Variants in TNKS1BP1 observed in about 807,000 individuals in gnomAD.
TNKS1BP1 encodes 182 kDa tankyrase-1-binding protein.
Under a neutral mutation model 141.1 loss-of-function variants are expected in TNKS1BP1, and 48 were observed. That is an observed-to-expected ratio of 0.34 (90% CI 0.27 to 0.43). The LOEUF (loss-of-function observed/expected upper bound fraction) is 0.43, where lower values mean the gene tolerates loss of function less well. Among genes scored for constraint, TNKS1BP1 ranks in the 20% least tolerant of loss-of-function variants. The probability of loss-of-function intolerance (pLI) is 1.00; values close to 1 mark genes in which losing one functional copy is unlikely to be tolerated. For missense variants in TNKS1BP1, 2,149 were observed against 2,226.0 expected (o/e 0.97, Z 0.70); for synonymous variants, 875 against 898.2 (o/e 0.97, Z 0.46).
rs766712492 is a variant in TNKS1BP1 at position 57,321,916 on chromosome 11, G to A, written c.-31C>T. 2.5e-6 allele frequency: 4 copies of A among 1,613,088 alleles called. No individual in the cohort carries two copies. The highest frequency in any genetic ancestry group is 2.2e-5 in the South Asian group (2 of 90,936). On this transcript the variant is annotated 5_prime_UTR_variant, in exon 2 of 12. Coordinates refer to ENST00000358252, the MANE Select transcript of TNKS1BP1 (RefSeq NM_033396.3). Reference sequence around the variant, plus strand: ...GCGGCAGACCCTCCTTGAGAGCGGGGAGGCAGAGAGGTATGAGCTGGGGTG... The same window carrying A: ...GCGGCAGACCCTCCTTGAGAGCGGGAAGGCAGAGAGGTATGAGCTGGGGTG...
In TNKS1BP1 at chr11:57,310,207, C is replaced by T. The variant is rs376099913; in HGVS notation, c.2504G>A (p.Arg835Gln). 4.3e-5 allele frequency: 69 copies of T among 1,614,076 alleles called. No homozygotes were observed. The highest frequency in any genetic ancestry group is 5.3e-5 in the African/African-American group (4 of 74,906). ...GTCCTGAACATCTGCCTCCTGGCTC[C>T]GCTGAGTGCCAAGCTGGGCTGGCTT... is the stretch of plus-strand genomic sequence containing the variant. ...VGKPAQLGTQ[R>Q]SQEADVQDWE... The change falls in exon 6 of 12, where the codon CGG (arginine) becomes CAG (glutamine). Residue 835 changes from arginine (R) to glutamine (Q), a missense_variant. Arg to Gln is a conservative substitution (Grantham distance 43). Coordinates refer to ENST00000358252, the MANE Select transcript of TNKS1BP1 (RefSeq NM_033396.3).
Position 57,321,946 on chromosome 11 carries a change from C to A in TNKS1BP1, c.-61G>T, listed in dbSNP as rs1855894246. 1.9e-6 allele frequency: 3 copies of A among 1,596,230 alleles called. No individual in the cohort carries two copies. The highest frequency in any genetic ancestry group is 2.6e-6 in the Non-Finnish European group (3 of 1,172,118). On this transcript the variant is annotated 5_prime_UTR_variant, in exon 2 of 12. Coordinates refer to ENST00000358252, the MANE Select transcript of TNKS1BP1 (RefSeq NM_033396.3). ...AGAGAGGTATGAGCTGGGGTGGCTG[C>A]AGACCTAGGAAAAGAGAGAGAAGAG...
intron 1 of TNKS1BP1, among the ~76,000 whole-genome samples, chr11:57,322,859 C>A (rs1855909310): frequency 6.6e-6 from 1 of 152,320 alleles, no homozygotes; most frequent in Non-Finnish European, 1.5e-5. Context: ...GTGGGCTTCA[C>A]TCACCAGCCT....
At chr11:57,321,489 G>A (rs1183877165) in intron 2 of TNKS1BP1, among the ~76,000 whole-genome samples, 3 of 152,130 alleles carry the variant, frequency 2.0e-5, no homozygotes, top group Non-Finnish European at 4.4e-5. Context: ...ACTCCCACTT[G>A]TACACTCCAT....
At chr11:57,323,975 G>A (rs1855923383) in intron 1 of TNKS1BP1, among the ~76,000 whole-genome samples, 1 of 152,146 alleles carries the variant, frequency 6.6e-6, no homozygotes, top group African/African-American at 2.4e-5. Flanking sequence ...CCCCAGCCAG[G>A]GGCCCCAGGT....
intron 4 of TNKS1BP1, 85 bp from the exon 5 acceptor site, chr11:57,313,974 G>T: frequency 7.4e-7 from 1 of 1,343,652 alleles, no homozygotes; most frequent in Non-Finnish European, 9.6e-7. Flanking sequence ...CAGACCCCAG[G>T]TCAGCTTCTC....
intron 2 of TNKS1BP1, among the ~76,000 whole-genome samples, 181 bp downstream of exon 2, chr11:57,321,611 G>C (rs1855887282): frequency 6.6e-6 from 1 of 152,220 alleles, no homozygotes; most frequent in Non-Finnish European, 1.5e-5. Flanking sequence ...ATCCCAAACA[G>C]TTCTGAAGAG....
rs775774343 is a variant in TNKS1BP1, at chr11:57,313,019, C to T, written c.1669G>A (p.Asp557Asn). The T allele has an allele frequency of 5.9e-5, 95 of 1,613,824 alleles. No homozygotes were observed. In the South Asian group the frequency reaches 7.1e-4, roughly 12 times the overall value. Reference protein sequence around the residue: ...DPSMSLTQKGDGESQPQFPAV... With the variant: ...DPSMSLTQKGNGESQPQFPAV... ...GGGAATTGAGGTTGACTCTCCCCATCGCCCTTCTGGGTGAGGGACATGCTT... is the reference window on the plus strand; with the variant it reads ...GGGAATTGAGGTTGACTCTCCCCATTGCCCTTCTGGGTGAGGGACATGCTT... The change falls in exon 5 of 12, where the codon GAT becomes AAT. Residue 557 changes from aspartate to asparagine, a missense_variant. By Grantham distance (23) the Asp-to-Asn change is conservative. Transcript: ENST00000358252.
At chr11:57,310,691 C>T in intron 5 of TNKS1BP1, 135 bp from the exon 6 acceptor site, 1 of 1,169,464 alleles carries the variant, frequency 8.6e-7, no homozygotes, top group Non-Finnish European at 1.2e-6. Flanking sequence ...TGACCTTGAG[C>T]AAATCACTTA....
rs945020568 is a variant in TNKS1BP1 at position 57,310,655 on chromosome 11, C to T, written c.2155-99G>A. ...GTCAGCGCTGCCTAGTGCCTGAAAG[C>T]CCCACTTTGGCAACAGAAAGCTGTG... On this transcript the variant is annotated intron_variant, in intron 5 of 11. Transcript: ENST00000358252. 3 of 1,466,660 alleles carry T rather than the reference C, an allele frequency of 2.0e-6. No homozygotes were observed. In the East Asian group the frequency reaches 6.9e-5, roughly 34 times the overall value. The allele number at this position is 1,466,660 out of a possible 1,614,324, so 90.9% of individuals were successfully genotyped here. A position where few individuals can be genotyped will look rare whatever the true frequency, so the allele number is the denominator to read the frequency against.
chr11:57,302,483 G>A lies in TNKS1BP1; in HGVS notation c.4659C>T (p.Pro1553=), dbSNP rs933096565. The change falls in exon 7 of 12, where the codon CCC becomes CCT. Residue 1553 remains proline, a synonymous_variant. Coordinates refer to ENST00000358252, the MANE Select transcript of TNKS1BP1 (RefSeq NM_033396.3). The surrounding 1 kb of genome is among the most constrained non-coding windows in gnomAD (Gnocchi z 5.5). ...CCTCAATGAAGGAGAAGTCCTGACT[G>A]GGGGATCTGGCAGGAGGGCCTTGGG... ...RPSQGPPARS[P]SQDFSFIEDT... is the part of the protein sequence containing the mutation. 1 of 1,604,524 alleles carries A rather than the reference G, an allele frequency of 6.2e-7. No homozygotes were observed. Among genetic ancestry groups the A allele is most frequent in the Non-Finnish European group, 8.5e-7 (1 of 1,173,786 alleles).
chr11:57,304,532 C>T (rs1855577706), intron 6 of TNKS1BP1, among the ~76,000 whole-genome samples: 1 of 152,158 alleles, frequency 6.6e-6, no homozygotes, highest in Admixed American at 6.5e-5. Flanking sequence ...GGCCCAAAGC[C>T]TCTCCCTGGG....
At chr11:57,314,327 G>A (rs980125848) in intron 4 of TNKS1BP1, among the ~76,000 whole-genome samples, 9 of 152,178 alleles carry the variant, frequency 5.9e-5, no homozygotes, top group Non-Finnish European at 1.2e-4. Context: ...GTCCAAGCAG[G>A]ATTCGAGGTG....
rs1478106224 is a variant in TNKS1BP1, at chr11:57,308,539, C to G, written c.4172G>C (p.Arg1391Thr). Residue 1391 changes from arginine to threonine, a missense_variant, in exon 6 of 12, where the codon AGA becomes ACA. Physicochemically the swap from Arg to Thr is moderately conservative, Grantham distance 71. Transcript: ENST00000358252. The stretch of plus-strand genomic sequence containing the variant: ...CAGCTCCCTGGCCTCCAAGGGGTCT[C>G]TGGCCTCCAGGCCAGGAGACAAGCT... ...NGSLSPGLEARDPLEARELGV... is the reference protein window; with the variant it reads ...NGSLSPGLEATDPLEARELGV... 5 of 1,614,224 alleles carry G rather than the reference C, an allele frequency of 3.1e-6. No homozygotes were observed. Among genetic ancestry groups the G allele is most frequent in the Non-Finnish European group, 4.2e-6 (5 of 1,180,036 alleles).
At chr11:57,311,397 G>A (rs1372888994) in intron 5 of TNKS1BP1, 6 of 985,648 alleles carry the variant, frequency 6.1e-6, no homozygotes, top group Admixed American at 6.1e-5. Flanking sequence ...TGGGGCTGCT[G>A]GGTGCGGCCA....
intron 5 of TNKS1BP1, among the ~76,000 whole-genome samples, chr11:57,311,636 G>A (rs1352563108): frequency 6.6e-6 from 1 of 151,966 alleles, no homozygotes; most frequent in Non-Finnish European, 1.5e-5. Flanking sequence ...AGCCCCCAGA[G>A]GCCCCCTGGC....
In TNKS1BP1 at chr11:57,311,210, A is replaced by T. The variant is rs918383618; in HGVS notation, c.2155-654T>A. The T allele has an allele frequency of 2.3e-5, 23 of 979,066 alleles. No homozygotes were observed. The African/African-American group carries it at 2.5e-4, about 10-fold the overall frequency. The allele number at this position is 979,066 out of a possible 1,614,324, so 60.6% of individuals were successfully genotyped here. On this transcript the variant is annotated intron_variant, in intron 5 of 11. Transcript: ENST00000358252. ...TCCCAGCCAGGGCTTCTTGCACCCC[A>T]CCCCCCACCTCACGCTCCCTGACTC... is the stretch of plus-strand genomic sequence containing the variant.
intron 3 of TNKS1BP1, among the ~76,000 whole-genome samples, chr11:57,318,438 G>C (rs1461521634): frequency 6.6e-6 from 1 of 152,220 alleles, no homozygotes; most frequent in African/African-American, 2.4e-5. Context: ...ACAGGCAAAG[G>C]ACTAGCTCTG....
intron 2 of TNKS1BP1, among the ~76,000 whole-genome samples, chr11:57,321,332 G>A (rs1855882178): frequency 6.6e-6 from 1 of 151,988 alleles, no homozygotes; most frequent in African/African-American, 2.4e-5. Flanking sequence ...AAAAAAAACA[G>A]GACCAGAAAT....
Sources: gnomAD v4.1 joint callset for allele counts (sites outside exome capture counted in the v4.1 genomes callset) on GRCh38, gnomAD v4.1.1 for gene constraint, Gnocchi (gnomAD v3.1) non-coding constraint, MANE v1.5 for transcripts, NCBI Gene and HGNC (gene_info 2026-07-23, HGNC 2026-07-21) for gene names.